TRIM11: variants seen among roughly 807,000 people sequenced by gnomAD.
TRIM11 encodes tripartite motif containing 11, also known as E3 ubiquitin-protein ligase TRIM11.
Under a neutral mutation model 33.4 loss-of-function variants are expected in TRIM11, and 15 were observed. The observed-to-expected ratio is 0.45, with a 90% CI of 0.30 to 0.69. TRIM11 has a LOEUF of 0.69. Ranked by LOEUF, TRIM11 falls within the 30% of genes least tolerant of loss-of-function variation. TRIM11 has a pLI of 0.08. For missense variants in TRIM11, 499 were observed against 667.6 expected, an observed-to-expected ratio of 0.75 and a Z score of 2.78; for synonymous variants, 281 against 302.6, an observed-to-expected ratio of 0.93 and a Z score of 0.74.
Position 228,406,639 on chromosome 1 carries a change from G to C in TRIM11, c.-78C>G. 1 of 1,314,372 alleles carries C rather than the reference G, an allele frequency of 7.6e-7. No individual in the cohort carries two copies. The highest frequency in any genetic ancestry group is 9.7e-7 in the Non-Finnish European group (1 of 1,026,764). The allele number at this position is 1,314,372 out of a possible 1,614,324, so 81.4% of individuals were successfully genotyped here. A position where few individuals can be genotyped will look rare whatever the true frequency, so the allele number is the denominator to read the frequency against. On this transcript the variant is annotated 5_prime_UTR_variant, in exon 1 of 6. Transcript: ENST00000284551. This position sits in a 1 kb window ranked among gnomAD's most constrained non-coding sequence, Gnocchi z 8.2. ...GCCTCGGCAGCTCGCGGGGACGCGG[G>C]GTATCCGGGTGCGGCGGCGCAGGCT...
At position 228,406,424 on chromosome 1, in the gene TRIM11, C is replaced by A; in HGVS notation, c.138G>T (p.Gln46His). The part of the protein sequence containing the change: ...CRECIRRCWG[Q>H]PEGPYACPEC... ...CGGGGCACGCGTACGGGCCCTCGGG[C>A]TGGCCCCAGCAGCGCCGGATGCACT... The change falls in exon 1 of 6, where the codon CAG becomes CAT. Residue 46 changes from glutamine (Q) to histidine (H), a missense_variant. Transcript: ENST00000284551. This position sits in a 1 kb window ranked among gnomAD's most constrained non-coding sequence, Gnocchi z 8.2. The A allele has an allele frequency of 1.3e-6, 2 of 1,582,392 alleles. No homozygotes were observed. Among genetic ancestry groups the A allele is most frequent in the South Asian group, 1.1e-5 (1 of 88,104 alleles).
rs1656230293 is a variant in TRIM11, at chr1:228,401,692, C to T, written c.504+374G>A. On this transcript the variant is annotated intron_variant, in intron 2 of 5. Coordinates refer to ENST00000284551, the MANE Select transcript of TRIM11 (RefSeq NM_145214.3). This position sits in a 1 kb window ranked among gnomAD's most constrained non-coding sequence, Gnocchi z 6.1. ...GAGCCTCCCAGACCCCAAATCTACC[C>T]CAGAACTGGACAGATCCCAAATCTA... Among the ~76,000 whole-genome samples the T allele has an allele frequency of 6.6e-6, 1 of 152,104 alleles. No individual in the cohort carries two copies. Among genetic ancestry groups the T allele is most frequent in the Non-Finnish European group, 1.5e-5 (1 of 68,016 alleles).
At position 228,400,841 on chromosome 1, in the gene TRIM11, C is replaced by T. The variant is rs772792903; in HGVS notation, c.735+123G>A. The T allele has an allele frequency of 1.6e-5, 23 of 1,417,528 alleles. No homozygotes were observed. Among genetic ancestry groups the T allele is most frequent in the Non-Finnish European group, 2.1e-5 (23 of 1,088,358 alleles). The allele number at this position is 1,417,528 out of a possible 1,614,324, so 87.8% of individuals were successfully genotyped here. A position where few individuals can be genotyped will look rare whatever the true frequency, so the allele number is the denominator to read the frequency against. On this transcript the variant is annotated intron_variant, in intron 3 of 5. Transcript: ENST00000284551. The surrounding 1 kb of genome is among the most constrained non-coding windows in gnomAD (Gnocchi z 4.5). ...CAACAGCCAGGCACATCCAGCCATG[C>T]CATTCACCTCTCAGCCCAGACAACC... is the stretch of plus-strand genomic sequence containing the variant.
intron 1 of TRIM11, 60 bp from the exon 2 acceptor site, chr1:228,402,221 T>C (rs1656257104): frequency 7.4e-7 from 1 of 1,344,658 alleles, no homozygotes; most frequent in Non-Finnish European, 1.0e-6. Flanking sequence ...GCCTGCCCTT[T>C]TGCACCTGAC....
rs1275825670 is a variant in TRIM11, at chr1:228,401,374, G to A, written c.505-180C>T. ...GACCCCAAACCCACCACCTGGTGCTGGCCAGACCCCAAACCCACCTGTGGC... is the reference window on the plus strand; with the variant it reads ...GACCCCAAACCCACCACCTGGTGCTAGCCAGACCCCAAACCCACCTGTGGC... On this transcript the variant is annotated intron_variant, in intron 2 of 5. Transcript: ENST00000284551. This position sits in a 1 kb window ranked among gnomAD's most constrained non-coding sequence, Gnocchi z 6.1. Among the ~76,000 whole-genome samples, 1 of 151,798 alleles carries A rather than the reference G, an allele frequency of 6.6e-6. No individual in the cohort carries two copies. The highest frequency in any genetic ancestry group is 2.4e-5 in the African/African-American group (1 of 41,278).
Position 228,406,811 on chromosome 1 carries a change from T to G in TRIM11, c.-250A>C. ...GGACGCGGGACGTAGGGATCCCGGA[T>G]GCCGGCAGGAAGAGGAGCCGAGGCG... On this transcript the variant is annotated 5_prime_UTR_variant, in exon 1 of 6. Transcript: ENST00000284551. This position sits in a 1 kb window ranked among gnomAD's most constrained non-coding sequence, Gnocchi z 8.2. 9.7e-6 allele frequency: 2 copies of G among 205,340 alleles called. No individual in the cohort carries two copies. The allele number at this position is 205,340 out of a possible 1,614,324, so 12.7% of individuals were successfully genotyped here. A position where few individuals can be genotyped will look rare whatever the true frequency, so the allele number is the denominator to read the frequency against.
chr1:228,397,664 T>TA (rs764218406), intron 3 of TRIM11: 42 of 158,844 alleles, frequency 2.6e-4, no homozygotes, highest in Non-Finnish European at 4.8e-4. Context: ...CACTGCCTGA[T>TA]ACGTGATAGC....
chr1:228,406,314 G>T lies in TRIM11; in HGVS notation c.248C>A (p.Pro83Gln). ...KMAEMARRLH[P>Q]PSPVPQGVCP... is the part of the protein sequence containing the mutation. The stretch of plus-strand genomic sequence containing the variant: ...CACGCCCTGCGGGACCGGCGACGGC[G>T]GGTGCAGGCGCCGCGCCATCTCGGC... The change falls in exon 1 of 6, where the codon CCG becomes CAG. Residue 83 changes from proline (P) to glutamine (Q), a missense_variant. Transcript: ENST00000284551. This position sits in a 1 kb window ranked among gnomAD's most constrained non-coding sequence, Gnocchi z 8.2. 2 of 1,469,742 alleles carry T rather than the reference G, an allele frequency of 1.4e-6. No homozygotes were observed. The highest frequency in any genetic ancestry group is 9.0e-7 in the Non-Finnish European group (1 of 1,114,572). 91.0% of individuals were successfully genotyped at this position (1,469,742 alleles called of 1,614,324 possible). A position where few individuals can be genotyped will look rare whatever the true frequency, so the allele number is the denominator to read the frequency against.
In TRIM11 at chr1:228,393,999, GAACGTGGGCCTGCA is replaced by G; in HGVS notation, c.*692_*705del. ...ACATGCCCACGAAAGCTTCAAGTCA[GAACGTGGGCCTGCA>G]AAAGACATTTCTGGGCTCTGCTCTC... On this transcript the variant is annotated 3_prime_UTR_variant, in exon 6 of 6. Transcript: ENST00000284551. 1 of 152,394 alleles carries G rather than the reference GAACGTGGGCCTGCA, an allele frequency of 6.6e-6. No individual in the cohort carries two copies. The highest frequency in any genetic ancestry group is 1.9e-4 in the East Asian group (1 of 5,178). The allele number at this position is 152,394 out of a possible 1,614,324, so 9.4% of individuals were successfully genotyped here. A position where few individuals can be genotyped will look rare whatever the true frequency, so the allele number is the denominator to read the frequency against.
At chr1:228,405,880 G>C (rs1656391292) in intron 1 of TRIM11, 1 of 392,052 alleles carries the variant, frequency 2.6e-6, no homozygotes. Flanking sequence ...CTCTATCTAT[G>C]AGAGGTACGC....
In TRIM11 at chr1:228,406,098, C is replaced by G; in HGVS notation, c.408+56G>C. On this transcript the variant is annotated intron_variant, in intron 1 of 5. Coordinates refer to ENST00000284551, the MANE Select transcript of TRIM11 (RefSeq NM_145214.3). This position sits in a 1 kb window ranked among gnomAD's most constrained non-coding sequence, Gnocchi z 8.2. ...CCCCCAAACCTCCCACCCGCCCAGG[C>G]CTCCCCAGTCCCCGGCTCCCCGACG... The G allele has an allele frequency of 9.2e-7, 1 of 1,089,454 alleles. No homozygotes were observed. The highest frequency in any genetic ancestry group is 1.7e-5 in the African/African-American group (1 of 60,108). 67.5% of individuals were successfully genotyped at this position (1,089,454 alleles called of 1,614,324 possible).
chr1:228,406,083 T>A lies in TRIM11; in HGVS notation c.408+71A>T. ...TACTCCCGGAGCAGTCCCCCAAACC[T>A]CCCACCCGCCCAGGCCTCCCCAGTC... On this transcript the variant is annotated intron_variant, in intron 1 of 5. Transcript: ENST00000284551. This position sits in a 1 kb window ranked among gnomAD's most constrained non-coding sequence, Gnocchi z 8.2. 1.6e-3 allele frequency: 1,464 copies of A among 914,946 alleles called. No individual in the cohort carries two copies. Among genetic ancestry groups the A allele is most frequent in the Non-Finnish European group, 2.0e-3 (1,328 of 680,434 alleles). The allele number at this position is 914,946 out of a possible 1,614,324, so 56.7% of individuals were successfully genotyped here. A position where few individuals can be genotyped will look rare whatever the true frequency, so the allele number is the denominator to read the frequency against.
chr1:228,400,584 C>A lies in TRIM11; in HGVS notation c.735+380G>T, dbSNP rs1227580461. Among the ~76,000 whole-genome samples the A allele has an allele frequency of 6.6e-6, 1 of 152,128 alleles. No homozygotes were observed. Among genetic ancestry groups the A allele is most frequent in the Non-Finnish European group, 1.5e-5 (1 of 68,008 alleles). ...GGGCGAGGACTTCCTGCTGGGGACA[C>A]CATGGCAGGAATCCTATGGGAGGCC... On this transcript the variant is annotated intron_variant, in intron 3 of 5. Transcript: ENST00000284551. The surrounding 1 kb of genome is among the most constrained non-coding windows in gnomAD (Gnocchi z 4.5).
Position 228,406,669 on chromosome 1 carries a change from C to CACTCCGGGGCGCGAGGCTCGGG in TRIM11, c.-130_-109dup. 1.8e-6 allele frequency: 2 copies of CACTCCGGGGCGCGAGGCTCGGG among 1,131,114 alleles called. No homozygotes were observed. The highest frequency in any genetic ancestry group is 1.6e-5 in the African/African-American group (1 of 60,862). 70.1% of individuals were successfully genotyped at this position (1,131,114 alleles called of 1,614,324 possible). On this transcript the variant is annotated 5_prime_UTR_variant, in exon 1 of 6. Coordinates refer to ENST00000284551, the MANE Select transcript of TRIM11 (RefSeq NM_145214.3). This position sits in a 1 kb window ranked among gnomAD's most constrained non-coding sequence, Gnocchi z 8.2. ...CCGGGTGCGGCGGCGCAGGCTCGGG[C>CACTCCGGGGCGCGAGGCTCGGG]ACTCCGGGGCGCGAGGCTCGGGACT... is the stretch of plus-strand genomic sequence containing the variant.
In TRIM11 at chr1:228,400,543, G is replaced by A. The variant is rs1656162590; in HGVS notation, c.735+421C>T. On this transcript the variant is annotated intron_variant, in intron 3 of 5. Coordinates refer to ENST00000284551, the MANE Select transcript of TRIM11 (RefSeq NM_145214.3). The surrounding 1 kb of genome is among the most constrained non-coding windows in gnomAD (Gnocchi z 4.5). ...GAGATGCATGGGGTGTGCCAGCGGGGTGAAGACAGAGTGAAGGGCGAGGAC... is the reference window on the plus strand; with the variant it reads ...GAGATGCATGGGGTGTGCCAGCGGGATGAAGACAGAGTGAAGGGCGAGGAC... 6.6e-6 allele frequency among the ~76,000 whole-genome samples: 1 copy of A among 152,296 alleles called. No homozygotes were observed. Among genetic ancestry groups the A allele is most frequent in the South Asian group, 2.1e-4 (1 of 4,828 alleles).
rs868732976 is a variant in TRIM11, at chr1:228,395,226, C to T, written c.886G>A (p.Ala296Thr). Reference sequence around the variant, plus strand: ...TCAGACAGGATCAGCTCAGGGTTGGCGGTGTCCGGGTCCAAGGTCACGTCC... The same window carrying T: ...TCAGACAGGATCAGCTCAGGGTTGGTGGTGTCCGGGTCCAAGGTCACGTCC... ...RGDVTLDPDT[A>T]NPELILSEDR... The change falls in exon 6 of 6, where the codon GCC becomes ACC. Residue 296 changes from alanine to threonine, a missense_variant. By Grantham distance (58) the Ala-to-Thr change is moderately conservative. Transcript: ENST00000284551. This position sits in a 1 kb window ranked among gnomAD's most constrained non-coding sequence, Gnocchi z 4.8. The T allele has an allele frequency of 2.7e-6, 4 of 1,476,382 alleles. No individual in the cohort carries two copies. Among genetic ancestry groups the T allele is most frequent in the Non-Finnish European group, 3.6e-6 (4 of 1,119,358 alleles). 91.5% of individuals were successfully genotyped at this position (1,476,382 alleles called of 1,614,324 possible).
chr1:228,402,054 C>T lies in TRIM11; in HGVS notation c.504+12G>A, dbSNP rs1269444495. On this transcript the variant is annotated intron_variant, in intron 2 of 5. Transcript: ENST00000284551. ...CCCTGCCACCCAGGACCCTGGGAGC[C>T]CCAGCACCTGCCTGCCACAAGACGC... 1.2e-6 allele frequency: 2 copies of T among 1,609,358 alleles called. No homozygotes were observed. The highest frequency in any genetic ancestry group is 2.7e-5 in the African/African-American group (2 of 74,948).
In TRIM11 at chr1:228,394,638, G is replaced by C; in HGVS notation, c.*67C>G. The C allele has an allele frequency of 1.3e-6, 2 of 1,490,464 alleles. No individual in the cohort carries two copies. The highest frequency in any genetic ancestry group is 1.8e-6 in the Non-Finnish European group (2 of 1,113,930). 92.3% of individuals were successfully genotyped at this position (1,490,464 alleles called of 1,614,324 possible). A position where few individuals can be genotyped will look rare whatever the true frequency, so the allele number is the denominator to read the frequency against. On this transcript the variant is annotated 3_prime_UTR_variant, in exon 6 of 6. Transcript: ENST00000284551. The surrounding 1 kb of genome is among the most constrained non-coding windows in gnomAD (Gnocchi z 6.2). ...CACTCCCTCCTCCCAGGTCCTCCAAGTGGCCAAAACACTCAGTGGCCTGGA... is the reference window on the plus strand; with the variant it reads ...CACTCCCTCCTCCCAGGTCCTCCAACTGGCCAAAACACTCAGTGGCCTGGA...
Position 228,395,156 on chromosome 1 carries a change from G to A in TRIM11, c.956C>T (p.Pro319Leu), listed in dbSNP as rs753940839. The change falls in exon 6 of 6, where the codon CCG (proline) becomes CTG (leucine). Residue 319 changes from proline (P) to leucine (L), a missense_variant. Physicochemically the swap from Pro to Leu is moderately conservative, Grantham distance 98. Transcript: ENST00000284551. The surrounding 1 kb of genome is among the most constrained non-coding windows in gnomAD (Gnocchi z 4.8). ...GGGGTCAAAGCGCTCTGGGCTGTCC[G>A]GCAGGGCCTGCCGTAGGTCCCCCCG... is the stretch of plus-strand genomic sequence containing the variant. ...VQRGDLRQAL[P>L]DSPERFDPGP... 1.3e-5 allele frequency: 20 copies of A among 1,516,244 alleles called. No individual in the cohort carries two copies. The highest frequency in any genetic ancestry group is 9.5e-5 in the East Asian group (4 of 42,178). The allele number at this position is 1,516,244 out of a possible 1,614,324, so 93.9% of individuals were successfully genotyped here. A position where few individuals can be genotyped will look rare whatever the true frequency, so the allele number is the denominator to read the frequency against.
Sources: allele counts gnomAD v4.1 joint callset (sites outside exome capture counted in the v4.1 genomes callset), GRCh38; gene constraint gnomAD v4.1.1; non-coding constraint Gnocchi (gnomAD v3.1); transcripts MANE v1.5; gene names NCBI Gene and HGNC (gene_info 2026-07-23, HGNC 2026-07-21).